MYO18B: variants seen among roughly 807,000 people sequenced by gnomAD.
MYO18B encodes the protein myosin XVIIIB, also known as unconventional myosin-XVIIIb.
A neutral mutation model predicts 273.0 loss-of-function variants in MYO18B; 204 were observed. The ratio of observed to expected loss-of-function variants is 0.75; its 90% CI spans 0.67 to 0.84. MYO18B has a LOEUF of 0.84. Ranked by LOEUF, MYO18B falls within the 40% of genes least tolerant of loss-of-function variation. The pLI is 0.00. For synonymous variants in MYO18B, 1,330 were observed against 1,305.7 expected (o/e 1.02, Z -0.40); for missense variants, 3,212 against 3,287.6 (o/e 0.98, Z 0.56).
the MYO18B span, among the ~76,000 whole-genome samples, chr22:26,047,828 A>C: frequency 6.6e-6 from 1 of 152,056 alleles, no homozygotes; most frequent in African/African-American, 2.4e-5. Context: ...TCTGGCTTGC[A>C]TTCTATTTTA....
chr22:25,756,129 C>T (rs1417082187), intron 1 of MYO18B, among the ~76,000 whole-genome samples: 1 of 151,948 alleles, frequency 6.6e-6, no homozygotes, highest in Non-Finnish European at 1.5e-5. Flanking sequence ...GATCTGACCT[C>T]GTGATCCGCC....
chr22:25,959,258 C>T (rs2146670098), intron 39 of MYO18B: 1 of 149,810 alleles, frequency 6.7e-6, no homozygotes, highest in South Asian at 2.1e-4. Flanking sequence ...TTGCCTTCTC[C>T]ATCTTCCTTT....
At chr22:26,059,664 C>T in the MYO18B span, among the ~76,000 whole-genome samples, 2 of 152,306 alleles carry the variant, frequency 1.3e-5, no homozygotes, top group African/African-American at 2.4e-5. Flanking sequence ...TTGCCACTGC[C>T]TCCCAAACTC....
At chr22:25,921,437 T>C in intron 34 of MYO18B, 28 bp downstream of exon 34, 1 of 1,591,016 alleles carries the variant, frequency 6.3e-7, no homozygotes, top group Non-Finnish European at 8.6e-7. Context: ...CCCTTGAGAA[T>C]CAGGCTGGGG....
intron 27 of MYO18B, 111 bp from the exon 28 acceptor site, chr22:25,895,045 A>T (rs2091763629): frequency 2.3e-6 from 3 of 1,296,964 alleles, no homozygotes; most frequent in Admixed American, 4.6e-5. Flanking sequence ...GGGCTCTGTG[A>T]ATATTGTGAA....
At chr22:26,061,506 G>A in the MYO18B span, among the ~76,000 whole-genome samples, 1 of 151,712 alleles carries the variant, frequency 6.6e-6, no homozygotes, top group African/African-American at 2.4e-5. Context: ...ACAATCATGG[G>A]CTTCTCTAGC....
At chr22:26,061,530 T>C in the MYO18B span, among the ~76,000 whole-genome samples, 1 of 152,006 alleles carries the variant, frequency 6.6e-6, no homozygotes, top group Non-Finnish European at 1.5e-5. Flanking sequence ...ACCAGATGAA[T>C]ATCCATCTCC....
At chr22:25,876,517 A>G (rs1325326319) in intron 24 of MYO18B, among the ~76,000 whole-genome samples, 185 bp downstream of exon 24, 1 of 152,062 alleles carries the variant, frequency 6.6e-6, no homozygotes, top group Non-Finnish European at 1.5e-5. Flanking sequence ...CCTCCATCCC[A>G]TGCCCAGCTC....
intron 12 of MYO18B, among the ~76,000 whole-genome samples, chr22:25,817,257 CTTT>C (rs1179354053): frequency 6.6e-6 from 1 of 150,490 alleles, no homozygotes; most frequent in Non-Finnish European, 1.5e-5. Flanking sequence ...TTTCTTTCTT[CTTT>C]TTCTTTTTCT....
chr22:25,876,003 CGTGTGTGTGTGTGTGTGTGTGTGT>C (rs4049349), intron 23 of MYO18B, among the ~76,000 whole-genome samples, 162 bp from the exon 24 acceptor site: 8 of 139,922 alleles, frequency 5.7e-5, no homozygotes, highest in East Asian at 2.1e-4. Flanking sequence ...AAAGGAAGCC[CGTGTGTGTGTGTGTGTGTGTGTGT>C]GTGTGTGTGT....
intron 31 of MYO18B, among the ~76,000 whole-genome samples, chr22:25,907,962 G>A (rs931788425): frequency 6.6e-6 from 1 of 151,884 alleles, no homozygotes; most frequent in African/African-American, 2.4e-5. Context: ...AAAGCCAGGA[G>A]GTGGAGGTTG....
intron 25 of MYO18B, among the ~76,000 whole-genome samples, chr22:25,882,656 A>G (rs914747004): frequency 1.4e-4 from 21 of 152,184 alleles, no homozygotes; most frequent in African/African-American, 4.6e-4. Context: ...TGATGACTTT[A>G]TCTTCCTCAA....
At chr22:25,965,317 G>A (rs1382702861) in intron 39 of MYO18B, among the ~76,000 whole-genome samples, 1 of 152,186 alleles carries the variant, frequency 6.6e-6, no homozygotes, top group African/African-American at 2.4e-5. Flanking sequence ...ATTTGTGAAG[G>A]CCTTGTTCCC....
At chr22:25,893,063 T>C (rs2091704158) in intron 27 of MYO18B, among the ~76,000 whole-genome samples, 1 of 152,210 alleles carries the variant, frequency 6.6e-6, no homozygotes, top group African/African-American at 2.4e-5. Flanking sequence ...CCCACAAATA[T>C]TTTGTTTTTC....
intron 39 of MYO18B, among the ~76,000 whole-genome samples, chr22:25,980,273 T>C (rs1209503962): frequency 1.3e-5 from 2 of 152,196 alleles, no homozygotes; most frequent in African/African-American, 2.4e-5. Flanking sequence ...ATCTACATTT[T>C]AAACAACTCA....
chr22:25,843,639 C>A, intron 17 of MYO18B, 96 bp from the exon 18 acceptor site: 1 of 1,281,148 alleles, frequency 7.8e-7, no homozygotes, highest in Non-Finnish European at 1.1e-6. Flanking sequence ...TATCTGGAAA[C>A]ACGTTAAGAT....
chr22:26,035,771 A>G (rs1377775009), downstream of MYO18B, among the ~76,000 whole-genome samples: 2 of 152,206 alleles, frequency 1.3e-5, no homozygotes, highest in Non-Finnish European at 2.9e-5. Context: ...TAAAGCAGGG[A>G]AGGAGAACAG....
intron 39 of MYO18B, among the ~76,000 whole-genome samples, chr22:25,963,642 C>T (rs553723214): frequency 1.1e-4 from 17 of 150,868 alleles, no homozygotes; most frequent in Admixed American, 2.0e-4. Flanking sequence ...TTTTGGGGGA[C>T]GCTATTTAAC....
chr22:25,791,988 G>C (rs893035952), intron 11 of MYO18B, among the ~76,000 whole-genome samples: 1 of 152,180 alleles, frequency 6.6e-6, no homozygotes, highest in Admixed American at 6.5e-5. Flanking sequence ...TGGTACTTTC[G>C]TTCTTCCCAC....
Sources: allele counts gnomAD v4.1 joint callset (sites outside exome capture counted in the v4.1 genomes callset), GRCh38; gene constraint gnomAD v4.1.1; transcripts MANE v1.5; gene names NCBI Gene and HGNC (gene_info 2026-07-23, HGNC 2026-07-21).